Variants in RBM19 observed in about 807,000 individuals in gnomAD.
RBM19 encodes the protein probable RNA-binding protein 19.
Under a neutral mutation model 116.8 loss-of-function variants are expected in RBM19, and 94 were observed. The ratio of observed to expected loss-of-function variants is 0.80; its 90% CI spans 0.68 to 0.95. RBM19 has a LOEUF of 0.95. RBM19 is among the 40% of genes least tolerant of loss of function. The pLI is 0.00. For synonymous variants in RBM19, 475 were observed against 494.1 expected, an observed-to-expected ratio of 0.96 and a Z score of 0.51; for missense variants, 1,161 against 1,220.7, an observed-to-expected ratio of 0.95 and a Z score of 0.73.
chr12:113,924,792 C>T (rs377655153), intron 17 of RBM19, 35 bp from the exon 18 acceptor site: 106 of 1,511,224 alleles, frequency 7.0e-5, no homozygotes, highest in Middle Eastern at 1.7e-4. Context: ...ATCAGCAGCT[C>T]TAAACCACTA....
intron 21 of RBM19, among the ~76,000 whole-genome samples, chr12:113,876,374 G>A (rs1242542898): frequency 1.3e-5 from 2 of 152,136 alleles, no homozygotes; most frequent in Admixed American, 6.5e-5. Flanking sequence ...ACTTGGCCTC[G>A]GCTTGCCCAT....
At chr12:113,833,553 T>TCTGA (rs1469189468) in intron 23 of RBM19, among the ~76,000 whole-genome samples, 1 of 152,172 alleles carries the variant, frequency 6.6e-6, no homozygotes, top group African/African-American at 2.4e-5. Flanking sequence ...TTGAACACAC[T>TCTGA]CTGACCCCAG....
intron 6 of RBM19, among the ~76,000 whole-genome samples, chr12:113,956,576 C>CAAAAA (rs10592306): frequency 4.5e-5 from 3 of 66,230 alleles, no homozygotes; most frequent in African/African-American, 1.3e-4. Context: ...AAGACTGTCT[C>CAAAAA]AAAAAAAAAA....
intron 23 of RBM19, among the ~76,000 whole-genome samples, chr12:113,836,494 TGGTG>T (rs1875900956): frequency 6.6e-6 from 1 of 151,942 alleles, no homozygotes; most frequent in South Asian, 2.1e-4. Context: ...GGCTTCCGCT[TGGTG>T]GGGAGGGGCT....
chr12:113,900,875 C>T (rs1881643064), intron 21 of RBM19, among the ~76,000 whole-genome samples: 1 of 152,208 alleles, frequency 6.6e-6, no homozygotes, highest in Non-Finnish European at 1.5e-5. Flanking sequence ...AAGAAGGTAT[C>T]ACTCAGTAAA....
At chr12:113,820,231 G>A (rs758092440), downstream of RBM19, among the ~76,000 whole-genome samples, 54 of 118,890 alleles carry the variant, frequency 4.5e-4, no homozygotes, top group Non-Finnish European at 8.3e-4. Context: ...TAACACTAGT[G>A]ATAACTGATG....
intron 21 of RBM19, among the ~76,000 whole-genome samples, chr12:113,867,115 C>T (rs1379894882): frequency 6.6e-6 from 1 of 152,196 alleles, no homozygotes; most frequent in African/African-American, 2.4e-5. Context: ...TGCAGCCTAC[C>T]AGCCCTCTCA....
At chr12:113,847,590 C>T (rs1374676784) in intron 22 of RBM19, among the ~76,000 whole-genome samples, 1 of 151,922 alleles carries the variant, frequency 6.6e-6, no homozygotes, top group South Asian at 2.1e-4. Flanking sequence ...GTGCCAGGGT[C>T]CCTGAGGAGC....
intron 23 of RBM19, among the ~76,000 whole-genome samples, chr12:113,844,159 G>A (rs570885809): frequency 1.3e-5 from 2 of 152,374 alleles, no homozygotes; most frequent in Non-Finnish European, 2.9e-5. Flanking sequence ...TGGGTAAGAG[G>A]TGAGTGAGAC....
chr12:113,885,196 A>C (rs1880434542), intron 21 of RBM19, among the ~76,000 whole-genome samples: 1 of 152,224 alleles, frequency 6.6e-6, no homozygotes, highest in South Asian at 2.1e-4. Flanking sequence ...TAGTGGAGAA[A>C]ACCTGGCTGA....
At chr12:113,854,122 T>C (rs543584987) in intron 22 of RBM19, among the ~76,000 whole-genome samples, 19 of 152,062 alleles carry the variant, frequency 1.2e-4, no homozygotes, top group Admixed American at 1.0e-3. Context: ...AGTGCCACTA[T>C]AAGATCTTCA....
intron 6 of RBM19, among the ~76,000 whole-genome samples, chr12:113,957,486 G>A (rs1566042788): frequency 2.0e-5 from 3 of 152,132 alleles, no homozygotes; most frequent in African/African-American, 7.2e-5. Flanking sequence ...AGAATCACTT[G>A]AACCCAGGAG....
chr12:113,921,910 C>G (rs1477782821), intron 18 of RBM19, among the ~76,000 whole-genome samples: 2 of 152,240 alleles, frequency 1.3e-5, no homozygotes, highest in Non-Finnish European at 2.9e-5. Context: ...CTATAGACAG[C>G]TCTACCTGGG....
chr12:113,959,134 G>C lies in RBM19; in HGVS notation c.571+78C>G, dbSNP rs1160391592. On this transcript the variant is annotated intron_variant, in intron 5 of 23. Transcript: ENST00000261741. ...TCACCTGACTCCTAGAGTCTGCACAGAGGGGCCCCCAGTGCCGGTTAGCCC... is the reference window on the plus strand; with the variant it reads ...TCACCTGACTCCTAGAGTCTGCACACAGGGGCCCCCAGTGCCGGTTAGCCC... The C allele has an allele frequency of 2.0e-6, 3 of 1,515,940 alleles. No individual in the cohort carries two copies. In the African/African-American group the frequency reaches 4.1e-5, roughly 21 times the overall value. 93.9% of individuals were successfully genotyped at this position (1,515,940 alleles called of 1,614,324 possible).
At chr12:113,948,655 T>C (rs1223384482) in intron 10 of RBM19, among the ~76,000 whole-genome samples, 178 bp downstream of exon 10, 2 of 152,208 alleles carry the variant, frequency 1.3e-5, no homozygotes, top group African/African-American at 2.4e-5. Flanking sequence ...CCTGCATTCA[T>C]CATGTCACTG....
chr12:113,838,311 G>A (rs139390283), intron 23 of RBM19, among the ~76,000 whole-genome samples: 2 of 152,354 alleles, frequency 1.3e-5, no homozygotes, highest in African/African-American at 4.8e-5. Context: ...AACCCCACAG[G>A]GTGAGCATGC....
chr12:113,917,728 AGAT>A lies in RBM19; in HGVS notation c.2441+661_2441+663del, dbSNP rs1306243684. On this transcript the variant is annotated intron_variant, in intron 20 of 23. Transcript: ENST00000261741. ...ATTCATTTTATCACCCGATGCAAGT[AGAT>A]GATAATGACAATAATGGCTTACGCT... Among the ~76,000 whole-genome samples, 5 of 152,368 alleles carry A rather than the reference AGAT, an allele frequency of 3.3e-5. No individual in the cohort carries two copies. The East Asian group carries it at 9.6e-4, about 29-fold the overall frequency.
intron 21 of RBM19, among the ~76,000 whole-genome samples, chr12:113,905,912 T>C (rs1358231936): frequency 1.3e-5 from 2 of 152,082 alleles, no homozygotes; most frequent in East Asian, 3.9e-4. Context: ...AATACAGTAA[T>C]ACCACTGTAG....
chr12:113,851,734 G>GTTTTTTTT (rs11361920), intron 22 of RBM19, among the ~76,000 whole-genome samples: 1 of 144,226 alleles, frequency 6.9e-6, no homozygotes, highest in Non-Finnish European at 1.5e-5. Context: ...TTGTGGTAAA[G>GTTTTTTTT]TTTTTTTTTT....
Sources: allele counts gnomAD v4.1 joint callset (sites outside exome capture counted in the v4.1 genomes callset), GRCh38; gene constraint gnomAD v4.1.1; transcripts MANE v1.5; gene names NCBI Gene and HGNC (gene_info 2026-07-23, HGNC 2026-07-21).